The following MPZL1 variants were observed in gnomAD, a reference collection of about 807,000 sequenced individuals.
MPZL1 encodes myelin protein zero-like protein 1.
MPZL1 carries 16 observed loss-of-function variants against 29.3 expected under a neutral mutation model. The ratio of observed to expected loss-of-function variants is 0.55; its 90% CI spans 0.37 to 0.83. The LOEUF is 0.83. MPZL1 is among the 40% of genes least tolerant of loss of function. MPZL1 has a pLI of 0.00. For missense variants in MPZL1, 279 were observed against 332.9 expected (o/e 0.84, Z 1.26); for synonymous variants, 143 against 132.0 (o/e 1.08, Z -0.57).
intron 2 of MPZL1, among the ~76,000 whole-genome samples, chr1:167,767,417 G>A (rs1318266277): frequency 6.6e-6 from 1 of 152,184 alleles, no homozygotes. Context: ...TTAAAGAGCG[G>A]TTCCATTTAT....
chr1:167,743,479 T>G (rs996750309), intron 1 of MPZL1, among the ~76,000 whole-genome samples: 1 of 151,976 alleles, frequency 6.6e-6, no homozygotes, highest in East Asian at 1.9e-4. Context: ...GTACTGAGAT[T>G]ACAGGCGTGA....
chr1:167,785,077 G>C (rs548523113), intron 5 of MPZL1, among the ~76,000 whole-genome samples: 9 of 152,102 alleles, frequency 5.9e-5, no homozygotes, highest in African/African-American at 2.2e-4. Context: ...CTACTGCTAC[G>C]TAACAAACCC....
chr1:167,778,629 GAAAC>G (rs549958223), intron 5 of MPZL1, among the ~76,000 whole-genome samples: 60 of 151,908 alleles, frequency 3.9e-4, no homozygotes, highest in Non-Finnish European at 6.6e-4. Flanking sequence ...AAATCAATCA[GAAAC>G]AAATTCAGAA....
chr1:167,744,670 C>T lies in MPZL1; in HGVS notation c.92-20913C>T, dbSNP rs186117548. 7.8e-3 allele frequency among the ~76,000 whole-genome samples: 954 copies of T among 123,034 alleles called. 11 individuals carry two copies. Among genetic ancestry groups the T allele is most frequent in the African/African-American group, 0.03 (912 of 30,546 alleles). The allele number at this position is 123,034 out of a possible 152,430, so 80.7% of individuals were successfully genotyped here. On this transcript the variant is annotated intron_variant, in intron 1 of 5. Transcript: ENST00000359523. The stretch of plus-strand genomic sequence containing the variant: ...CTTCACTCCAGCCTGGGCGAAAGAG[C>T]GAAACTCAGTCTCAAAAAAAAAAAA...
intron 2 of MPZL1, among the ~76,000 whole-genome samples, chr1:167,767,047 G>A (rs1256230291): frequency 6.6e-6 from 1 of 152,140 alleles, no homozygotes. Context: ...ACATATAAAA[G>A]AGAAAGATTT....
intron 1 of MPZL1, among the ~76,000 whole-genome samples, chr1:167,740,325 C>CT (rs1220959567): frequency 6.6e-6 from 1 of 152,198 alleles, no homozygotes; most frequent in Non-Finnish European, 1.5e-5. Context: ...TCCCTTCCCA[C>CT]TTTCTTCTGT....
At chr1:167,746,113 G>A (rs1571145656) in intron 1 of MPZL1, among the ~76,000 whole-genome samples, 1 of 152,012 alleles carries the variant, frequency 6.6e-6, no homozygotes, top group Non-Finnish European at 1.5e-5. Context: ...ATTAGACCAC[G>A]AGTTAGGGGA....
At chr1:167,739,323 T>TATATATATATATA (rs1437358979) in intron 1 of MPZL1, among the ~76,000 whole-genome samples, 1 of 93,406 alleles carries the variant, frequency 1.1e-5, no homozygotes, top group Non-Finnish European at 2.1e-5. Context: ...ATATATATAT[T>TATATATATATATA]TATGTTTATT....
chr1:167,730,769 G>A (rs1660246810), intron 1 of MPZL1, among the ~76,000 whole-genome samples: 1 of 152,166 alleles, frequency 6.6e-6, no homozygotes, highest in Non-Finnish European at 1.5e-5. Context: ...TGGAGGCTGT[G>A]CAGGTCCTTT....
chr1:167,771,002 CTT>C (rs780993668), intron 2 of MPZL1, among the ~76,000 whole-genome samples: 19 of 120,870 alleles, frequency 1.6e-4, no homozygotes, highest in Middle Eastern at 3.8e-3. Context: ...TGTTGCATTT[CTT>C]TTTTTTTTTT....
intron 1 of MPZL1, among the ~76,000 whole-genome samples, chr1:167,742,668 G>A (rs549186760): frequency 1.3e-5 from 2 of 152,230 alleles, no homozygotes; most frequent in Admixed American, 1.3e-4. Flanking sequence ...CTTTGTTTTT[G>A]TTGCATTTGC....
intron 1 of MPZL1, among the ~76,000 whole-genome samples, chr1:167,749,805 A>G (rs1660719326): frequency 6.6e-6 from 1 of 152,238 alleles, no homozygotes; most frequent in Non-Finnish European, 1.5e-5. Context: ...AGCCTATAGT[A>G]GAACAATTAA....
chr1:167,751,601 G>A lies in MPZL1; in HGVS notation c.92-13982G>A, dbSNP rs140227098. On this transcript the variant is annotated intron_variant, in intron 1 of 5. Coordinates refer to ENST00000359523, the MANE Select transcript of MPZL1 (RefSeq NM_003953.6). ...CAGGAGAATCGCTTGAACCTAGGAG[G>A]CAGAGGTTGCAGTGAGCCGAGATGG... 3.4e-4 allele frequency among the ~76,000 whole-genome samples: 52 copies of A among 151,078 alleles called. No homozygotes were observed. The East Asian group carries it at 7.2e-3, about 21-fold the overall frequency.
intron 2 of MPZL1, among the ~76,000 whole-genome samples, chr1:167,771,658 A>T (rs774237048): frequency 2.0e-5 from 3 of 151,560 alleles, no homozygotes; most frequent in Admixed American, 6.6e-5. Context: ...GGCCGGGCAG[A>T]GGGGCTCCTC....
chr1:167,734,777 G>A (rs995568982), intron 1 of MPZL1, among the ~76,000 whole-genome samples: 21 of 152,098 alleles, frequency 1.4e-4, no homozygotes, highest in African/African-American at 5.1e-4. Context: ...GTTTCCTCAG[G>A]CACAGCAGGT....
At chr1:167,762,524 G>C (rs1362207249) in intron 1 of MPZL1, among the ~76,000 whole-genome samples, 1 of 152,202 alleles carries the variant, frequency 6.6e-6, no homozygotes, top group African/African-American at 2.4e-5. Flanking sequence ...TTATAGCTCA[G>C]CATTTGCCTT....
At chr1:167,773,019 G>A (rs992624251) in intron 3 of MPZL1, among the ~76,000 whole-genome samples, 1 of 152,192 alleles carries the variant, frequency 6.6e-6, no homozygotes, top group Non-Finnish European at 1.5e-5. Context: ...GATTGTAGGT[G>A]TAGAAATGCT....
intron 1 of MPZL1, among the ~76,000 whole-genome samples, chr1:167,731,261 C>T (rs1405934607): frequency 6.6e-6 from 1 of 151,930 alleles, no homozygotes; most frequent in Non-Finnish European, 1.5e-5. Context: ...ATGATGAAAC[C>T]CCATCTCTAC....
chr1:167,770,702 C>T (rs1661220910), intron 2 of MPZL1, among the ~76,000 whole-genome samples: 1 of 152,186 alleles, frequency 6.6e-6, no homozygotes, highest in Non-Finnish European at 1.5e-5. Flanking sequence ...TCACTGGGCT[C>T]AATCATGGTG....
Sources: gnomAD v4.1 joint callset for allele counts (sites outside exome capture counted in the v4.1 genomes callset) on GRCh38, gnomAD v4.1.1 for gene constraint, MANE v1.5 for transcripts, NCBI Gene and HGNC (gene_info 2026-07-23, HGNC 2026-07-21) for gene names.